Variants in PDE5A observed in about 807,000 individuals in gnomAD.
PDE5A encodes the protein phosphodiesterase 5A.
PDE5A carries 67 observed loss-of-function variants against 110.2 expected under a neutral mutation model. The ratio of observed to expected loss-of-function variants is 0.61; its 90% CI spans 0.50 to 0.75. PDE5A has a LOEUF of 0.75. PDE5A is among the 30% of genes least tolerant of loss of function. PDE5A has a pLI of 0.00. For synonymous variants in PDE5A, 328 were observed against 351.2 expected, an observed-to-expected ratio of 0.93 and a Z score of 0.74; for missense variants, 862 against 1,045.1, an observed-to-expected ratio of 0.82 and a Z score of 2.42.
Position 119,519,055 on chromosome 4 carries a change from A to G in PDE5A, c.1990T>C (p.Tyr664His). 4 of 1,610,656 alleles carry G rather than the reference A, an allele frequency of 2.5e-6. No individual in the cohort carries two copies. Among genetic ancestry groups the G allele is most frequent in the Non-Finnish European group, 3.4e-6 (4 of 1,176,878 alleles). ...CTGGGAAAGTCTTACCGCTGTATGT[A>G]AGAGTTATTCACACCACGGTGATCC... The part of the protein sequence containing the change: ...DLDHRGVNNS[Y>H]IQRSEHPLAQ... The change falls in exon 14 of 21, where the codon TAC becomes CAC. Residue 664 changes from tyrosine to histidine, a missense_variant. Tyr to His is a moderately conservative substitution (Grantham distance 83). Coordinates refer to ENST00000354960, the MANE Select transcript of PDE5A (RefSeq NM_001083.4).
chr4:119,609,173 T>TA (rs969483414), intron 1 of PDE5A, among the ~76,000 whole-genome samples: 7 of 149,570 alleles, frequency 4.7e-5, no homozygotes, highest in Non-Finnish European at 7.4e-5. Flanking sequence ...AAAAAAAAAA[T>TA]AAAAAAAAAT....
intron 2 of PDE5A, among the ~76,000 whole-genome samples, chr4:119,596,922 A>C (rs913009637): frequency 2.0e-5 from 3 of 152,140 alleles, no homozygotes; most frequent in Admixed American, 6.5e-5. Context: ...ATTCAGGAAA[A>C]AGTGGCATCT....
rs199598721 is a variant in PDE5A, at chr4:119,606,918, C to A, written c.532G>T (p.Gly178Ter). Residue 178 changes from glycine (G) to a stop codon, truncating the protein, a stop_gained, in exon 2 of 21, where the codon GGA becomes TGA. Transcript: ENST00000354960. LOFTEE classifies it high-confidence loss of function. ...GAATAGCGGTCAGCAGATATCAGTC[C>A]ATGGATATGCAAGAAAATTTTGTGA... ...LCHKIFLHIH[G>*]LISADRYSLF... 1.9e-6 allele frequency: 3 copies of A among 1,614,214 alleles called. No individual in the cohort carries two copies. The highest frequency in any genetic ancestry group is 2.5e-6 in the Non-Finnish European group (3 of 1,180,036).
chr4:119,510,376 G>A (rs1400680605), intron 15 of PDE5A, among the ~76,000 whole-genome samples: 1 of 151,988 alleles, frequency 6.6e-6, no homozygotes, highest in African/African-American at 2.4e-5. Context: ...CATTGTGTAT[G>A]TTCAATGTAA....
At chr4:119,594,869 G>T (rs765995155) in intron 3 of PDE5A, among the ~76,000 whole-genome samples, 2 of 152,124 alleles carry the variant, frequency 1.3e-5, no homozygotes, top group Non-Finnish European at 2.9e-5. Context: ...TGTTAGAAAA[G>T]AATCTCAGGT....
chr4:119,502,807 C>T, intron 18 of PDE5A, 152 bp from the exon 19 acceptor site: 1 of 595,924 alleles, frequency 1.7e-6, no homozygotes, highest in African/African-American at 1.9e-5. Flanking sequence ...AGTCCATGTC[C>T]AAAGCGTGCT....
At chr4:119,528,803 A>T (rs961184150) in intron 11 of PDE5A, 2 of 152,184 alleles carry the variant, frequency 1.3e-5, no homozygotes, top group Non-Finnish European at 2.9e-5. Flanking sequence ...AGTGGCATCT[A>T]GATCTTGCCA....
intron 2 of PDE5A, among the ~76,000 whole-genome samples, chr4:119,604,777 C>A (rs1376999682): frequency 1.3e-5 from 2 of 152,174 alleles, no homozygotes; most frequent in Non-Finnish European, 2.9e-5. Flanking sequence ...CTCCTCTTTT[C>A]CCTTCACTTG....
At chr4:119,582,267 C>T (rs888265139) in intron 3 of PDE5A, among the ~76,000 whole-genome samples, 3 of 152,192 alleles carry the variant, frequency 2.0e-5, no homozygotes, top group Non-Finnish European at 4.4e-5. Context: ...GGGATAGAGT[C>T]CATCTCAAGA....
At chr4:119,603,447 G>A (rs921304021) in intron 2 of PDE5A, among the ~76,000 whole-genome samples, 2 of 152,038 alleles carry the variant, frequency 1.3e-5, no homozygotes, top group African/African-American at 4.8e-5. Flanking sequence ...GCATGATGGT[G>A]GGCTGATGCA....
At chr4:119,605,670 A>G (rs957016847) in intron 2 of PDE5A, among the ~76,000 whole-genome samples, 4 of 151,932 alleles carry the variant, frequency 2.6e-5, no homozygotes, top group African/African-American at 9.7e-5. Flanking sequence ...AATTTTCTCT[A>G]TCTTTCCCAC....
At chr4:119,595,545 C>A (rs1280053587) in intron 3 of PDE5A, among the ~76,000 whole-genome samples, 1 of 152,100 alleles carries the variant, frequency 6.6e-6, no homozygotes, top group African/African-American at 2.4e-5. Flanking sequence ...CCAAACAGAA[C>A]AAAAAGGCAG....
In PDE5A at chr4:119,578,756, A is replaced by T. The variant is rs1728476326; in HGVS notation, c.832-11612T>A. Among the ~76,000 whole-genome samples the T allele has an allele frequency of 2.0e-5, 3 of 152,188 alleles. No individual in the cohort carries two copies. In the South Asian group the frequency reaches 6.2e-4, roughly 32 times the overall value. On this transcript the variant is annotated intron_variant, in intron 3 of 20. Coordinates refer to ENST00000354960, the MANE Select transcript of PDE5A (RefSeq NM_001083.4). ...AACCCTAGAAGAAAACCTAGGCAAT[A>T]CCATTCAGGACATAGGCATGGGCAA...
At chr4:119,507,064 A>G (rs1036029225) in intron 16 of PDE5A, among the ~76,000 whole-genome samples, 2 of 152,000 alleles carry the variant, frequency 1.3e-5, no homozygotes, top group African/African-American at 4.8e-5. Context: ...AGGCAGTTTA[A>G]TCATGAAAAT....
At chr4:119,557,841 C>T (rs1727597987) in intron 7 of PDE5A, among the ~76,000 whole-genome samples, 1 of 152,096 alleles carries the variant, frequency 6.6e-6, no homozygotes, top group Admixed American at 6.5e-5. Context: ...ACACTGTATC[C>T]ACAATTTTTT....
intron 15 of PDE5A, among the ~76,000 whole-genome samples, chr4:119,509,135 T>C (rs544635976): frequency 6.6e-4 from 101 of 152,130 alleles, no homozygotes; most frequent in Non-Finnish European, 1.1e-3. Flanking sequence ...TGAAAAACCG[T>C]ACACTAAAAA....
intron 16 of PDE5A, among the ~76,000 whole-genome samples, chr4:119,506,797 G>C (rs1347446631): frequency 1.3e-5 from 2 of 151,868 alleles, no homozygotes; most frequent in Non-Finnish European, 2.9e-5. Flanking sequence ...GTAGGCACAT[G>C]CAGTTACTTC....
chr4:119,501,107 A>G (rs1725309358), intron 20 of PDE5A, 63 bp downstream of exon 20: 1 of 975,704 alleles, frequency 1.0e-6, no homozygotes, highest in African/African-American at 1.6e-5. Flanking sequence ...TAATCTCTTC[A>G]ATTTTAGGTT....
chr4:119,494,737 T>C lies in PDE5A; in HGVS notation c.*3864A>G, dbSNP rs1210357296. 6.6e-6 allele frequency: 1 copy of C among 152,578 alleles called. No homozygotes were observed. The highest frequency in any genetic ancestry group is 6.6e-5 in the Admixed American group (1 of 15,262). 9.5% of individuals were successfully genotyped at this position (152,578 alleles called of 1,614,324 possible). On this transcript the variant is annotated 3_prime_UTR_variant, in exon 21 of 21. Coordinates refer to ENST00000354960, the MANE Select transcript of PDE5A (RefSeq NM_001083.4). ...TATTGAAAAGGTATAAGAATACAAA[T>C]AGATATTAACAGTGGCTAGTGATGC...
Sources: gnomAD v4.1 joint callset for allele counts (sites outside exome capture counted in the v4.1 genomes callset) on GRCh38, gnomAD v4.1.1 for gene constraint, MANE v1.5 for transcripts, NCBI Gene and HGNC (gene_info 2026-07-23, HGNC 2026-07-21) for gene names.